ACOXL: variants seen among roughly 807,000 people sequenced by gnomAD.
The protein encoded by ACOXL is acyl-coenzyme A oxidase-like protein.
Under a neutral mutation model 71.9 loss-of-function variants are expected in ACOXL, and 70 were observed. That is an observed-to-expected ratio of 0.97 (90% CI 0.80 to 1.19). ACOXL has a LOEUF of 1.19. Among genes scored for constraint, ACOXL ranks in the 50% most tolerant of loss-of-function variants. The probability of loss-of-function intolerance (pLI) is 0.00; values close to 1 mark genes in which losing one functional copy is unlikely to be tolerated. For synonymous variants in ACOXL, 253 were observed against 281.6 expected, an observed-to-expected ratio of 0.90 and a Z score of 1.02; for missense variants, 703 against 736.3, an observed-to-expected ratio of 0.95 and a Z score of 0.52.
chr2:111,060,090 C>T (rs2149877141), intron 16 of ACOXL, among the ~76,000 whole-genome samples: 1 of 152,322 alleles, frequency 6.6e-6, no homozygotes, highest in Middle Eastern at 3.4e-3. Context: ...AATGCAACCT[C>T]ACCACTATGG....
chr2:110,812,973 A>G (rs766435985), intron 9 of ACOXL, among the ~76,000 whole-genome samples: 1 of 152,200 alleles, frequency 6.6e-6, no homozygotes, highest in Non-Finnish European at 1.5e-5. Context: ...AACATGCCAT[A>G]CAGAGACAGT....
rs757760217 is a variant in ACOXL, at chr2:110,799,079, A to G, written c.526A>G (p.Ile176Val). The part of the protein sequence containing the change: ...NGSLYPGVTA[I>V]DMMYKEGLHG... ...AAGCTTGTACCCAGGAGTCACAGCT[A>G]TTGATATGATGTACAAGGAGGGTGA... The change falls in exon 7 of 18, where the codon ATT becomes GTT. Residue 176 changes from isoleucine (I) to valine (V), a missense_variant. By Grantham distance (29) the Ile-to-Val change is conservative (BLOSUM62 3). Coordinates refer to ENST00000439055, the MANE Select transcript of ACOXL (RefSeq NM_001142807.4). The G allele has an allele frequency of 1.2e-6, 2 of 1,613,826 alleles. No individual in the cohort carries two copies. The highest frequency in any genetic ancestry group is 2.2e-5 in the East Asian group (1 of 44,876).
At chr2:110,841,244 A>G (rs1691138091) in intron 9 of ACOXL, 127 bp from the exon 10 acceptor site, 1 of 638,526 alleles carries the variant, frequency 1.6e-6, no homozygotes, top group African/African-American at 1.8e-5. Context: ...TTATTTTTGA[A>G]GCATTAGCTG....
chr2:110,795,537 T>C (rs1299047475), intron 5 of ACOXL: 3 of 152,250 alleles, frequency 2.0e-5, no homozygotes, highest in Non-Finnish European at 4.4e-5. Flanking sequence ...TGTAACATCA[T>C]TTCATTTCAA....
chr2:110,846,108 T>G (rs1236483610), intron 10 of ACOXL, among the ~76,000 whole-genome samples: 2 of 152,130 alleles, frequency 1.3e-5, no homozygotes, highest in Admixed American at 6.5e-5. Flanking sequence ...AGGGATACCT[T>G]TGGCATCAAG....
intron 10 of ACOXL, among the ~76,000 whole-genome samples, chr2:110,851,388 G>A (rs1471391660): frequency 6.6e-6 from 1 of 152,162 alleles, no homozygotes; most frequent in African/African-American, 2.4e-5. Flanking sequence ...TATGGTTTGA[G>A]GGGGTTCTTT....
rs990434320 is a variant in ACOXL, at chr2:110,744,119, GAGAGAGAGAGAA to G, written c.-23+11358_-23+11369del. On this transcript the variant is annotated intron_variant, in intron 1 of 17. Coordinates refer to ENST00000439055, the MANE Select transcript of ACOXL (RefSeq NM_001142807.4). ...CTGATACCTGCTCAGTGGAGAAAGA[GAGAGAGAGAGAA>G]AGAGAGAGAGAAGAGAGAGAAAACG... Among the ~76,000 whole-genome samples the G allele has an allele frequency of 4.6e-5, 7 of 152,280 alleles. No individual in the cohort carries two copies. In the South Asian group the frequency reaches 1.2e-3, roughly 27 times the overall value.
intron 10 of ACOXL, among the ~76,000 whole-genome samples, chr2:110,899,834 A>G (rs2059156022): frequency 6.6e-6 from 1 of 151,958 alleles, no homozygotes; most frequent in Non-Finnish European, 1.5e-5. Flanking sequence ...AAGTAAATTA[A>G]TTTCCCTTGG....
At chr2:110,964,202 C>T (rs1032831102) in intron 12 of ACOXL, among the ~76,000 whole-genome samples, 1 of 152,184 alleles carries the variant, frequency 6.6e-6, no homozygotes, top group Non-Finnish European at 1.5e-5. Flanking sequence ...TATAATTCTA[C>T]TTCTGGGCTG....
chr2:110,794,716 T>C (rs1685075039), intron 5 of ACOXL, among the ~76,000 whole-genome samples: 1 of 152,120 alleles, frequency 6.6e-6, no homozygotes, highest in Non-Finnish European at 1.5e-5. Flanking sequence ...CTACCTTTAC[T>C]CTATATGGTC....
intron 10 of ACOXL, among the ~76,000 whole-genome samples, chr2:110,857,068 A>G (rs1292651841): frequency 6.6e-6 from 1 of 152,110 alleles, no homozygotes; most frequent in African/African-American, 2.4e-5. Context: ...TTCTCTCTTA[A>G]TGATTCCTGA....
chr2:110,971,705 A>G (rs939310071), intron 12 of ACOXL, among the ~76,000 whole-genome samples: 2 of 152,182 alleles, frequency 1.3e-5, no homozygotes, highest in Admixed American at 6.5e-5. Flanking sequence ...AGCAATATCT[A>G]TAGGAGAGTA....
intron 11 of ACOXL, among the ~76,000 whole-genome samples, chr2:110,930,618 C>G (rs1205181110): frequency 6.6e-6 from 1 of 152,094 alleles, no homozygotes; most frequent in East Asian, 1.9e-4. Context: ...TGGCTGTGTG[C>G]CCACCCAAAT....
intron 15 of ACOXL, among the ~76,000 whole-genome samples, chr2:111,034,105 A>G (rs561501743): frequency 1.3e-5 from 2 of 152,132 alleles, no homozygotes; most frequent in Non-Finnish European, 2.9e-5. Flanking sequence ...CTTTACCTCT[A>G]CCAGCTGTGT....
chr2:110,968,535 C>T (rs766725342), intron 12 of ACOXL: 9 of 1,174,962 alleles, frequency 7.7e-6, no homozygotes, highest in Non-Finnish European at 1.1e-5. Context: ...TAACTCCAGA[C>T]ATGACGGAGG....
chr2:111,103,588 A>G (rs1574774238), intron 17 of ACOXL, among the ~76,000 whole-genome samples: 3 of 152,356 alleles, frequency 2.0e-5, no homozygotes, highest in Middle Eastern at 6.8e-3. Context: ...TTGGGGATGC[A>G]GGTGTCCTAT....
intron 14 of ACOXL, among the ~76,000 whole-genome samples, chr2:110,999,968 T>G (rs901810853): frequency 1.3e-5 from 2 of 152,154 alleles, no homozygotes; most frequent in East Asian, 3.8e-4. Flanking sequence ...TCCACTAGGT[T>G]TGGGGCAGGT....
intron 12 of ACOXL, among the ~76,000 whole-genome samples, chr2:110,951,073 G>C (rs1236988232): frequency 1.3e-5 from 2 of 152,126 alleles, no homozygotes; most frequent in Non-Finnish European, 2.9e-5. Flanking sequence ...CTGCATCTCA[G>C]TTGAGTCAGA....
chr2:110,911,013 A>C (rs2059633168), intron 11 of ACOXL, among the ~76,000 whole-genome samples: 1 of 152,076 alleles, frequency 6.6e-6, no homozygotes, highest in East Asian at 1.9e-4. Context: ...CATTGCTATA[A>C]CTGTAACTTA....
Sources: gnomAD v4.1 joint callset for allele counts (sites outside exome capture counted in the v4.1 genomes callset) on GRCh38, gnomAD v4.1.1 for gene constraint, MANE v1.5 for transcripts, NCBI Gene and HGNC (gene_info 2026-07-23, HGNC 2026-07-21) for gene names.